The following GRID2 variants were observed in gnomAD, a reference collection of about 807,000 sequenced individuals.
The protein encoded by GRID2 is glutamate receptor ionotropic, delta-2.
GRID2 carries 33 observed loss-of-function variants against 114.8 expected under a neutral mutation model. The observed-to-expected ratio is 0.29, with a 90% CI of 0.22 to 0.38. The LOEUF (loss-of-function observed/expected upper bound fraction) is 0.38. Ranked by LOEUF, GRID2 falls within the 10% of genes least tolerant of loss-of-function variation. The probability of loss-of-function intolerance (pLI) is 1.00; values close to 1 mark genes in which losing one functional copy is unlikely to be tolerated. For missense variants in GRID2, 1,184 were observed against 1,257.7 expected, an observed-to-expected ratio of 0.94 and a Z score of 0.89; for synonymous variants, 505 against 449.9, an observed-to-expected ratio of 1.12 and a Z score of -1.55.
intron 10 of GRID2, among the ~76,000 whole-genome samples, chr4:93,429,802 A>G (rs986570300): frequency 1.3e-5 from 2 of 152,234 alleles, no homozygotes; most frequent in Middle Eastern, 3.2e-3. Flanking sequence ...CACCATTGAG[A>G]GTCCTATCTC....
chr4:92,911,305 T>C (rs1337369343), intron 2 of GRID2, among the ~76,000 whole-genome samples: 2 of 152,066 alleles, frequency 1.3e-5, no homozygotes, highest in African/African-American at 2.4e-5. Flanking sequence ...ATACATTTCA[T>C]ACAGGTATTG....
chr4:92,480,018 G>T (rs1722504557), intron 1 of GRID2, among the ~76,000 whole-genome samples: 1 of 152,098 alleles, frequency 6.6e-6, no homozygotes, highest in Non-Finnish European at 1.5e-5. Flanking sequence ...ATTGCATAAT[G>T]AGTATTATTA....
chr4:92,716,002 CATCTG>C (rs1322898114), intron 2 of GRID2, among the ~76,000 whole-genome samples: 20 of 152,280 alleles, frequency 1.3e-4, no homozygotes, highest in African/African-American at 4.3e-4. Flanking sequence ...TGTCATTAGA[CATCTG>C]AGCAGAATCA....
intron 8 of GRID2, among the ~76,000 whole-genome samples, chr4:93,241,909 C>T (rs1747565006): frequency 6.6e-6 from 1 of 150,816 alleles, no homozygotes; most frequent in African/African-American, 2.4e-5. Context: ...TTTGAATGCT[C>T]ACAGACCAAG....
At chr4:92,493,790 C>T (rs1484559587) in intron 1 of GRID2, among the ~76,000 whole-genome samples, 1 of 151,986 alleles carries the variant, frequency 6.6e-6, no homozygotes, top group Admixed American at 6.6e-5. Flanking sequence ...ACAGTTTGAC[C>T]TTTTTTAGCC....
intron 2 of GRID2, among the ~76,000 whole-genome samples, chr4:92,819,708 G>A (rs968949922): frequency 1.3e-5 from 2 of 152,070 alleles, no homozygotes; most frequent in Non-Finnish European, 2.9e-5. Flanking sequence ...ATATTACTAC[G>A]ACAGCATAGG....
At chr4:93,078,757 AATT>A (rs1298022373) in intron 2 of GRID2, among the ~76,000 whole-genome samples, 2 of 57,472 alleles carry the variant, frequency 3.5e-5, no homozygotes, top group African/African-American at 5.6e-5. Flanking sequence ...TACTAAATAT[AATT>A]ATATTATATT....
chr4:93,111,505 T>G lies in GRID2; in HGVS notation c.735+552T>G, dbSNP rs193058213. Among the ~76,000 whole-genome samples the G allele has an allele frequency of 1.1e-3, 164 of 152,272 alleles. 1 individual carries two copies. Among genetic ancestry groups the G allele is most frequent in the Admixed American group, 9.2e-3 (141 of 15,282 alleles). ...GCATCCTCAAATTTTTAATTGTATC[T>G]GTTCATTTAGTTAGAAGCTCTGAAA... On this transcript the variant is annotated intron_variant, in intron 4 of 15. Transcript: ENST00000282020.
At chr4:92,706,215 G>A (rs985891115) in intron 2 of GRID2, among the ~76,000 whole-genome samples, 1 of 152,164 alleles carries the variant, frequency 6.6e-6, no homozygotes, top group African/African-American at 2.4e-5. Flanking sequence ...TGCACTTGAA[G>A]ATGTGGAAAG....
intron 2 of GRID2, among the ~76,000 whole-genome samples, chr4:93,000,169 C>T (rs988477157): frequency 1.3e-5 from 2 of 151,594 alleles, no homozygotes; most frequent in South Asian, 2.1e-4. Context: ...GTTAATAACT[C>T]AGTAACTATT....
chr4:92,785,682 T>A (rs1391242631), intron 2 of GRID2, among the ~76,000 whole-genome samples: 2 of 151,778 alleles, frequency 1.3e-5, no homozygotes, highest in Non-Finnish European at 2.9e-5. Context: ...TCAGTATGTG[T>A]GTAGTTAAGC....
At chr4:92,581,530 G>T (rs761101748) in intron 1 of GRID2, among the ~76,000 whole-genome samples, 1 of 151,980 alleles carries the variant, frequency 6.6e-6, no homozygotes, top group Non-Finnish European at 1.5e-5. Flanking sequence ...TAACTATACA[G>T]GTTTTCCAAA....
chr4:93,423,336 CTTTTTTTT>C (rs554663844), intron 10 of GRID2, among the ~76,000 whole-genome samples: 3 of 73,570 alleles, frequency 4.1e-5, no homozygotes, highest in African/African-American at 1.1e-4. Context: ...TTTTTTCTTT[CTTTTTTTT>C]TTTTTTTTTT....
chr4:93,253,892 T>TA (rs1204840312), intron 8 of GRID2, among the ~76,000 whole-genome samples: 1 of 152,170 alleles, frequency 6.6e-6, no homozygotes, highest in Non-Finnish European at 1.5e-5. Flanking sequence ...CGAGTGTTAC[T>TA]ATTTCTCTAC....
At chr4:92,918,599 T>C (rs1442018113) in intron 2 of GRID2, among the ~76,000 whole-genome samples, 1 of 152,176 alleles carries the variant, frequency 6.6e-6, no homozygotes, top group Non-Finnish European at 1.5e-5. Context: ...TCTGCATCTA[T>C]TGAGATAATC....
At chr4:92,659,731 C>T (rs767018324) in intron 2 of GRID2, among the ~76,000 whole-genome samples, 1 of 151,304 alleles carries the variant, frequency 6.6e-6, no homozygotes, top group African/African-American at 2.4e-5. Flanking sequence ...AAGAATAAAT[C>T]CATTCCTGTG....
At chr4:92,488,926 A>G (rs1308241284) in intron 1 of GRID2, among the ~76,000 whole-genome samples, 2 of 152,186 alleles carry the variant, frequency 1.3e-5, no homozygotes, top group African/African-American at 4.8e-5. Context: ...TGAAACTGCG[A>G]CTACAGTAGA....
intron 8 of GRID2, among the ~76,000 whole-genome samples, chr4:93,334,379 T>TG (rs1455590771): frequency 3.0e-5 from 4 of 135,296 alleles, no homozygotes; most frequent in Non-Finnish European, 6.0e-5. Flanking sequence ...AGACTTACTG[T>TG]GAAAAAAAAA....
At chr4:92,611,066 G>GTAGC (rs1560487992) in intron 2 of GRID2, among the ~76,000 whole-genome samples, 3 of 136,416 alleles carry the variant, frequency 2.2e-5, no homozygotes. Flanking sequence ...ATATGTGTGT[G>GTAGC]TGTATATATA....
Sources: gnomAD v4.1 joint callset for allele counts (sites outside exome capture counted in the v4.1 genomes callset) on GRCh38, gnomAD v4.1.1 for gene constraint, MANE v1.5 for transcripts, NCBI Gene and HGNC (gene_info 2026-07-23, HGNC 2026-07-21) for gene names.